Variants in PDCD11 observed in about 807,000 individuals in gnomAD.
The protein encoded by PDCD11 is programmed cell death 11, also known as protein RRP5 homolog.
Under a neutral mutation model 198.9 loss-of-function variants are expected in PDCD11, and 97 were observed. The ratio of observed to expected loss-of-function variants is 0.49; its 90% CI spans 0.41 to 0.58. The LOEUF is 0.58. Ranked by LOEUF, PDCD11 falls within the 20% of genes least tolerant of loss-of-function variation. PDCD11 has a pLI of 0.00. For synonymous variants in PDCD11, 893 were observed against 918.0 expected, an observed-to-expected ratio of 0.97 and a Z score of 0.49; for missense variants, 2,102 against 2,312.7, an observed-to-expected ratio of 0.91 and a Z score of 1.87.
chr10:103,421,686 C>T (rs989245153), intron 17 of PDCD11, 119 bp downstream of exon 17: 23 of 781,356 alleles, frequency 2.9e-5, no homozygotes, highest in African/African-American at 2.8e-4. Context: ...AATTTGGGGC[C>T]GGGCGCGGTG....
rs773604044 is a variant in PDCD11, at chr10:103,406,054, A to C, written c.634A>C (p.Arg212=). ...YLVDIGVDGT[R]AFLPLLKAQE... ...AGTGGACATTGGTGTTGATGGGACC[A>C]GAGCTTTTCTGCCACTGCTGAAAGC... Residue 212 remains arginine (R), a synonymous_variant, in exon 6 of 36, where the codon AGA becomes CGA. Transcript: ENST00000369797. The C allele has an allele frequency of 1.2e-6, 2 of 1,614,236 alleles. No homozygotes were observed. Among genetic ancestry groups the C allele is most frequent in the Non-Finnish European group, 1.7e-6 (2 of 1,180,036 alleles).
In PDCD11 at chr10:103,417,800, G is replaced by A. The variant is rs759039615; in HGVS notation, c.1779G>A (p.Lys593=). Residue 593 remains lysine, a synonymous_variant, in exon 14 of 36, where the codon AAG becomes AAA. Transcript: ENST00000369797. Reference sequence around the variant, plus strand: ...GTGTGGTTTCTTGCCAGGTGGTGAAGGTTGTCGTATTGAACTGTGAGCCAT... The same window carrying A: ...GTGTGGTTTCTTGCCAGGTGGTGAAAGTTGTCGTATTGAACTGTGAGCCAT... The part of the protein sequence containing the change: ...ERVFYTGQVV[K]VVVLNCEPSK... 6.2e-5 allele frequency: 100 copies of A among 1,613,634 alleles called. No individual in the cohort carries two copies. The highest frequency in any genetic ancestry group is 2.2e-5 in the South Asian group (2 of 91,068).
chr10:103,440,706 C>T (rs1163757387), intron 29 of PDCD11, 28 bp from the exon 30 acceptor site: 2 of 1,612,852 alleles, frequency 1.2e-6, no homozygotes, highest in South Asian at 2.2e-5. Context: ...GAGGATGCTC[C>T]TAGGCATTCT....
In PDCD11 at chr10:103,423,094, A is replaced by G. The variant is rs747519021; in HGVS notation, c.2604A>G (p.Pro868=). 1.2e-6 allele frequency: 2 copies of G among 1,603,794 alleles called. No individual in the cohort carries two copies. Among genetic ancestry groups the G allele is most frequent in the South Asian group, 1.1e-5 (1 of 89,244 alleles). The change falls in exon 18 of 36, where the codon CCA becomes CCG. Residue 868 remains proline (P), a synonymous_variant. Transcript: ENST00000369797. ...EDGSVVFSGG[P]VPDLVLKASR... is the part of the protein sequence containing the mutation. ...GCTCTGTGGTATTCAGTGGGGGTCC[A>G]GTGCCCGACCTGGTCCTGAAAGCCA...
chr10:103,425,539 G>T lies in PDCD11; in HGVS notation c.3305+14G>T, dbSNP rs564998361. On this transcript the variant is annotated intron_variant, in intron 20 of 35. Coordinates refer to ENST00000369797, the MANE Select transcript of PDCD11 (RefSeq NM_014976.2). ...GAAGACATTCAAGTATGGAGGCTCT[G>T]GGGGTGGGCTGGCTTCGAGGGAGAT... The T allele has an allele frequency of 1.3e-6, 2 of 1,593,044 alleles. No individual in the cohort carries two copies. The highest frequency in any genetic ancestry group is 2.2e-5 in the South Asian group (2 of 89,654).
chr10:103,443,638 GTC>G (rs1487797160), intron 33 of PDCD11, among the ~76,000 whole-genome samples: 2 of 152,174 alleles, frequency 1.3e-5, no homozygotes, highest in African/African-American at 2.4e-5. Context: ...CCGCTCTGGC[GTC>G]TCTCCTACTC....
chr10:103,424,943 T>C lies in PDCD11; in HGVS notation c.2764-41T>C, dbSNP rs750912851. On this transcript the variant is annotated intron_variant, in intron 19 of 35. Transcript: ENST00000369797. ...TGGGGCCATGAGTGAGTGACCATGC[T>C]GTGTAAGGAAAGCAGGGATGGTGGC... 3 of 1,601,744 alleles carry C rather than the reference T, an allele frequency of 1.9e-6. No homozygotes were observed. In the African/African-American group the frequency reaches 4.0e-5, roughly 21 times the overall value.
At chr10:103,437,682 G>T (rs1436871828) in intron 25 of PDCD11, among the ~76,000 whole-genome samples, 1 of 151,990 alleles carries the variant, frequency 6.6e-6, no homozygotes, top group Non-Finnish European at 1.5e-5. Context: ...TAGAGATGGG[G>T]TTTCACCGTG....
intron 4 of PDCD11, 77 bp from the exon 5 acceptor site, chr10:103,404,945 C>G (rs2030355619): frequency 1.9e-5 from 26 of 1,405,288 alleles, no homozygotes; most frequent in Non-Finnish European, 2.3e-5. Context: ...TGAGAAGTCA[C>G]TGAGCCAAAG....
At chr10:103,423,683 T>C (rs1303479482) in intron 19 of PDCD11, 25 bp downstream of exon 19, 1 of 1,471,892 alleles carries the variant, frequency 6.8e-7, no homozygotes, top group Non-Finnish European at 9.5e-7. Context: ...GACTTCCATT[T>C]CCATGGTTTC....
intron 11 of PDCD11, 127 bp from the exon 12 acceptor site, chr10:103,414,878 C>G: frequency 2.3e-6 from 2 of 884,294 alleles, no homozygotes; most frequent in Non-Finnish European, 3.7e-6. Context: ...CATGTGCCAT[C>G]TGGAATAACA....
rs1328083363 is a variant in PDCD11 at position 103,424,925 on chromosome 10, A to G, written c.2764-59A>G. 3.8e-6 allele frequency: 6 copies of G among 1,579,488 alleles called. No homozygotes were observed. The East Asian group carries it at 1.3e-4, about 35-fold the overall frequency. On this transcript the variant is annotated intron_variant, in intron 19 of 35. Transcript: ENST00000369797. ...CAGCCACACCCTGCCCAGTGGGGCC[A>G]TGAGTGAGTGACCATGCTGTGTAAG...
chr10:103,411,873 C>T (rs986423626), intron 8 of PDCD11, among the ~76,000 whole-genome samples: 3 of 152,086 alleles, frequency 2.0e-5, no homozygotes, highest in African/African-American at 7.2e-5. Context: ...TCAGAGGAGC[C>T]TTGGATGCAG....
At position 103,414,091 on chromosome 10, in the gene PDCD11, G is replaced by T. The variant is rs1394758365; in HGVS notation, c.1310+1G>T. Reference sequence around the variant, plus strand: ...AACTGGCCTTGCTCTCTCTACGAACGTAAGTCTGTCATTAACAGGTAGGGG... The same window carrying T: ...AACTGGCCTTGCTCTCTCTACGAACTTAAGTCTGTCATTAACAGGTAGGGG... On this transcript the variant is annotated splice_donor_variant, in intron 10 of 35. Transcript: ENST00000369797. LOFTEE classifies it high-confidence loss of function. 2 of 1,609,572 alleles carry T rather than the reference G, an allele frequency of 1.2e-6. No homozygotes were observed. The highest frequency in any genetic ancestry group is 2.2e-5 in the South Asian group (2 of 90,636).
In PDCD11 at chr10:103,425,025, G is replaced by A. The variant is rs1255174278; in HGVS notation, c.2805G>A (p.Leu935=). Residue 935 remains leucine (L), a synonymous_variant, in exon 20 of 36, where the codon TTG becomes TTA. Transcript: ENST00000369797. ...GSEHQAIVQH[L]EKSFAIASLV... ...AACACCAGGCGATTGTGCAGCACTTGGAGAAGTCCTTTGCCATTGCCTCCT... is the reference window on the plus strand; with the variant it reads ...AACACCAGGCGATTGTGCAGCACTTAGAGAAGTCCTTTGCCATTGCCTCCT... 6.2e-7 allele frequency: 1 copy of A among 1,614,260 alleles called. No homozygotes were observed. The highest frequency in any genetic ancestry group is 8.5e-7 in the Non-Finnish European group (1 of 1,180,044).
At position 103,425,097 on chromosome 10, in the gene PDCD11, C is replaced by A. The variant is rs142836942; in HGVS notation, c.2877C>A (p.Leu959=). The change falls in exon 20 of 36, where the codon CTC becomes CTA. Residue 959 remains leucine, a synonymous_variant. Transcript: ENST00000369797. Reference sequence around the variant, plus strand: ...CAGCTTTCTCCCTGACCTCTCACCTCAACGACACCTTCCGCTTTGACTCAG... The same window carrying A: ...CAGCTTTCTCCCTGACCTCTCACCTAAACGACACCTTCCGCTTTGACTCAG... ...HLAAFSLTSH[L]NDTFRFDSEK... is the part of the protein sequence containing the mutation. 1.2e-6 allele frequency: 2 copies of A among 1,614,256 alleles called. No homozygotes were observed. Among genetic ancestry groups the A allele is most frequent in the South Asian group, 2.2e-5 (2 of 91,084 alleles).
At position 103,438,043 on chromosome 10, in the gene PDCD11, G is replaced by A. The variant is rs73330626; in HGVS notation, c.3874G>A (p.Val1292Ile). ...RCYILSTADN[V>I]LTLSLRSSRT... ...TTACATCCTGTCCACTGCAGACAAC[G>A]TATTGACTTTGTCGCTGCGATCATC... Residue 1292 changes from valine to isoleucine, a missense_variant, in exon 26 of 36, where the codon GTA becomes ATA. Physicochemically the swap from Val to Ile is conservative, Grantham distance 29. Coordinates refer to ENST00000369797, the MANE Select transcript of PDCD11 (RefSeq NM_014976.2). 2.4e-3 allele frequency: 3,831 copies of A among 1,613,576 alleles called. 56 individuals are homozygous for A. The African/African-American group carries it at 0.04, about 17-fold the overall frequency.
chr10:103,413,815 GT>G (rs2133696614), intron 9 of PDCD11, 150 bp from the exon 10 acceptor site: 2 of 745,256 alleles, frequency 2.7e-6, no homozygotes, highest in Non-Finnish European at 4.1e-6. Flanking sequence ...ATAAAGAGCA[GT>G]TTTTTAGTGT....
rs765725727 is a variant in PDCD11, at chr10:103,425,383, C to G, written c.3163C>G (p.Leu1055Val). The G allele has an allele frequency of 6.2e-7, 1 of 1,614,146 alleles. No individual in the cohort carries two copies. The highest frequency in any genetic ancestry group is 1.1e-5 in the South Asian group (1 of 91,084). The part of the protein sequence containing the change: ...SIKPTHVVVT[L>V]EDGIIGCIHA... The stretch of plus-strand genomic sequence containing the variant: ...TAAGCCTACCCATGTGGTTGTGACT[C>G]TGGAAGATGGCATTATTGGCTGTAT... Residue 1055 changes from leucine to valine, a missense_variant, in exon 20 of 36, where the codon CTG (leucine) becomes GTG (valine). Transcript: ENST00000369797.
Sources: allele counts gnomAD v4.1 joint callset (sites outside exome capture counted in the v4.1 genomes callset), GRCh38; gene constraint gnomAD v4.1.1; transcripts MANE v1.5; gene names NCBI Gene and HGNC (gene_info 2026-07-23, HGNC 2026-07-21).